The following SOBP variants were observed in gnomAD, a reference collection of about 807,000 sequenced individuals.
The protein encoded by SOBP is sine oculis binding protein homolog.
SOBP carries 4 observed loss-of-function variants against 53.6 expected under a neutral mutation model. The ratio of observed to expected loss-of-function variants is 0.07; its 90% CI spans 0.04 to 0.17. The LOEUF is 0.17. SOBP is among the 10% of genes least tolerant of loss of function. The probability of loss-of-function intolerance (pLI) is 1.00; values close to 1 mark genes in which losing one functional copy is unlikely to be tolerated. For missense variants in SOBP, 1,088 were observed against 1,204.7 expected (o/e 0.90, Z 1.43); for synonymous variants, 584 against 522.6 (o/e 1.12, Z -1.60).
intron 6 of SOBP, among the ~76,000 whole-genome samples, chr6:107,655,442 C>T (rs1034368636): frequency 2.6e-5 from 4 of 152,142 alleles, no homozygotes; most frequent in African/African-American, 7.2e-5. Flanking sequence ...GGGACTTGTA[C>T]TGCCACCATC....
chr6:107,542,733 T>G (rs534578259), intron 4 of SOBP, among the ~76,000 whole-genome samples: 20 of 152,278 alleles, frequency 1.3e-4, no homozygotes, highest in South Asian at 4.1e-4. Flanking sequence ...ATTTAGTTTT[T>G]TGTGTGTGTG....
chr6:107,624,596 G>T (rs942029622), intron 5 of SOBP, among the ~76,000 whole-genome samples: 2 of 152,190 alleles, frequency 1.3e-5, no homozygotes, highest in Admixed American at 6.5e-5. Flanking sequence ...CAACAAAATA[G>T]ACTGCCTCAA....
In SOBP at chr6:107,572,335, G is replaced by A. The variant is rs74938184; in HGVS notation, c.574-14745G>A. ...TTTTTTTTTTTTAAGGCAGAGTTTT[G>A]CTGTATCGCCCAGGCTGGGGTGCAG... On this transcript the variant is annotated intron_variant, in intron 4 of 6. Transcript: ENST00000317357. 1.7e-3 allele frequency among the ~76,000 whole-genome samples: 240 copies of A among 144,576 alleles called. 1 individual carries two copies. Among genetic ancestry groups the A allele is most frequent in the African/African-American group, 5.7e-3 (225 of 39,364 alleles). 94.8% of individuals were successfully genotyped at this position (144,576 alleles called of 152,430 possible). A position where few individuals can be genotyped will look rare whatever the true frequency, so the allele number is the denominator to read the frequency against.
At chr6:107,636,514 G>A (rs1401258770) in intron 6 of SOBP, among the ~76,000 whole-genome samples, 9 of 152,196 alleles carry the variant, frequency 5.9e-5, no homozygotes, top group Middle Eastern at 3.2e-3. Context: ...TGGGGAAGCC[G>A]TATTCAACTC....
At chr6:107,594,041 T>C (rs765734072) in intron 5 of SOBP, among the ~76,000 whole-genome samples, 2 of 152,148 alleles carry the variant, frequency 1.3e-5, no homozygotes, top group Non-Finnish European at 2.9e-5. Flanking sequence ...TTCCAAAAAA[T>C]AGTATAGTGT....
intron 5 of SOBP, among the ~76,000 whole-genome samples, chr6:107,599,642 T>A (rs571676267): frequency 6.6e-6 from 1 of 150,588 alleles, no homozygotes; most frequent in African/African-American, 2.5e-5. Context: ...GCTCCCAAAT[T>A]AAATTTCTTA....
At chr6:107,604,667 C>G (rs1441082373) in intron 5 of SOBP, among the ~76,000 whole-genome samples, 2 of 152,156 alleles carry the variant, frequency 1.3e-5, no homozygotes, top group African/African-American at 2.4e-5. Flanking sequence ...CAGGCGGGCT[C>G]TCTGAACCTT....
intron 3 of SOBP, among the ~76,000 whole-genome samples, chr6:107,532,272 C>CACACACCACA (rs56398781): frequency 1.2e-3 from 132 of 108,138 alleles, no homozygotes; most frequent in African/African-American, 3.3e-3. Flanking sequence ...CACACACACA[C>CACACACCACA]CACACACACA....
rs2114261368 is a variant in SOBP at position 107,658,815 on chromosome 6, T to C, written c.*612T>C. 1 of 152,772 alleles carries C rather than the reference T, an allele frequency of 6.5e-6. No individual in the cohort carries two copies. Among genetic ancestry groups the C allele is most frequent in the African/African-American group, 2.4e-5 (1 of 41,586 alleles). 9.5% of individuals were successfully genotyped at this position (152,772 alleles called of 1,614,324 possible). On this transcript the variant is annotated 3_prime_UTR_variant, in exon 7 of 7. Transcript: ENST00000317357. ...TATTTTATTGGCTAATATACTTTTC[T>C]TGTTATTTTTACAAAGGCCACCTTT...
intron 4 of SOBP, among the ~76,000 whole-genome samples, chr6:107,572,726 T>C (rs1054026567): frequency 2.0e-5 from 3 of 151,804 alleles, no homozygotes; most frequent in African/African-American, 4.8e-5. Flanking sequence ...TGGATTACAA[T>C]GTATGTGTGC....
At chr6:107,527,925 T>G (rs1049090103) in intron 3 of SOBP, among the ~76,000 whole-genome samples, 4 of 152,218 alleles carry the variant, frequency 2.6e-5, no homozygotes, top group African/African-American at 7.2e-5. Context: ...CTCTGAACAT[T>G]TGACATGTCC....
At chr6:107,606,274 A>G (rs1024582716) in intron 5 of SOBP, among the ~76,000 whole-genome samples, 1 of 151,640 alleles carries the variant, frequency 6.6e-6, no homozygotes, top group Non-Finnish European at 1.5e-5. Context: ...ACAGGGTTTC[A>G]CCATGTTGGC....
In SOBP at chr6:107,652,031, G is replaced by A. The variant is rs192391419; in HGVS notation, c.*4-6176G>A. Among the ~76,000 whole-genome samples, 83 of 152,282 alleles carry A rather than the reference G, an allele frequency of 5.5e-4. No homozygotes were observed. In the South Asian group the frequency reaches 0.01, roughly 19 times the overall value. On this transcript the variant is annotated intron_variant, in intron 6 of 6. Coordinates refer to ENST00000317357, the MANE Select transcript of SOBP (RefSeq NM_018013.4). ...GGTCATCCAAGAGCTCTGATGGAGC[G>A]GTACAAAGAAATTAATTGTTTTCAT...
chr6:107,640,125 T>C (rs968085249), intron 6 of SOBP, among the ~76,000 whole-genome samples: 2 of 152,172 alleles, frequency 1.3e-5, no homozygotes, highest in African/African-American at 4.8e-5. Context: ...AGGAGTTCAC[T>C]TCATTGGGGA....
intron 4 of SOBP, among the ~76,000 whole-genome samples, chr6:107,537,610 C>G (rs574810468): frequency 6.6e-6 from 1 of 152,162 alleles, no homozygotes; most frequent in Non-Finnish European, 1.5e-5. Flanking sequence ...TGCTTGAGCC[C>G]AGGAGTTGAA....
chr6:107,655,570 C>T (rs1279380565), intron 6 of SOBP, among the ~76,000 whole-genome samples: 2 of 152,228 alleles, frequency 1.3e-5, no homozygotes, highest in African/African-American at 4.8e-5. Flanking sequence ...CTTTTCAGAG[C>T]AGCAGGACTA....
At chr6:107,507,690 A>G (rs540006412) in intron 3 of SOBP, among the ~76,000 whole-genome samples, 17 of 152,210 alleles carry the variant, frequency 1.1e-4, no homozygotes, top group East Asian at 9.6e-4. Context: ...TCTTCTTCCA[A>G]TGTGGCCCAG....
intron 5 of SOBP, among the ~76,000 whole-genome samples, chr6:107,619,556 T>G (rs1386316377): frequency 6.6e-6 from 1 of 151,872 alleles, no homozygotes; most frequent in Non-Finnish European, 1.5e-5. Context: ...GCATATACTT[T>G]AGGAAATAGA....
Position 107,509,131 on chromosome 6 carries a change from A to G in SOBP, c.421+2704A>G, listed in dbSNP as rs578111279. The stretch of plus-strand genomic sequence containing the variant: ...TATGTAAGGCCGGGCGCAGTGGCTC[A>G]TGCCTGTAATCCCAGCACTTTGGGA... On this transcript the variant is annotated intron_variant, in intron 3 of 6. Coordinates refer to ENST00000317357, the MANE Select transcript of SOBP (RefSeq NM_018013.4). Among the ~76,000 whole-genome samples the G allele has an allele frequency of 2.4e-3, 362 of 152,346 alleles. 2 individuals are homozygous for G. The highest frequency in any genetic ancestry group is 8.2e-3 in the African/African-American group (339 of 41,592).
Sources: allele counts gnomAD v4.1 joint callset (sites outside exome capture counted in the v4.1 genomes callset), GRCh38; gene constraint gnomAD v4.1.1; transcripts MANE v1.5; gene names NCBI Gene and HGNC (gene_info 2026-07-23, HGNC 2026-07-21).